Variants in MARCHF1 observed in about 807,000 individuals in gnomAD.
MARCHF1 encodes E3 ubiquitin-protein ligase MARCHF1.
In MARCHF1, 40 loss-of-function variants were observed where a neutral mutation model predicts 54.2. The observed-to-expected ratio is 0.74, with a 90% confidence interval of 0.57 to 0.96. The LOEUF (loss-of-function observed/expected upper bound fraction) is 0.96. MARCHF1 is among the 40% of genes least tolerant of loss of function. The pLI is 0.00. For missense variants in MARCHF1, 586 were observed against 656.5 expected, an observed-to-expected ratio of 0.89 and a Z score of 1.17; for synonymous variants, 236 against 236.3, an observed-to-expected ratio of 1.00 and a Z score of 0.01.
At chr4:164,239,005 A>C (rs1411388871) in intron 1 of MARCHF1, among the ~76,000 whole-genome samples, 1 of 151,956 alleles carries the variant, frequency 6.6e-6, no homozygotes, top group Non-Finnish European at 1.5e-5. Flanking sequence ...TGGGCTTTTC[A>C]TCTGTATAGT....
intron 1 of MARCHF1, among the ~76,000 whole-genome samples, chr4:164,138,413 T>G (rs1417004431): frequency 6.6e-6 from 1 of 152,144 alleles, no homozygotes; most frequent in African/African-American, 2.4e-5. Context: ...AGTGAGATCC[T>G]GTGACCAGAA....
chr4:164,044,691 C>T (rs2111028287), intron 2 of MARCHF1, among the ~76,000 whole-genome samples: 1 of 152,208 alleles, frequency 6.6e-6, no homozygotes. Flanking sequence ...TTTCTCAAGT[C>T]ATCCTATCAT....
chr4:163,699,611 A>T (rs1369463976), intron 5 of MARCHF1, among the ~76,000 whole-genome samples: 1 of 151,994 alleles, frequency 6.6e-6, no homozygotes, highest in Non-Finnish European at 1.5e-5. Flanking sequence ...TATTTTGGGG[A>T]TCCTCTTCAA....
intron 1 of MARCHF1, among the ~76,000 whole-genome samples, chr4:164,322,151 T>C (rs1035503547): frequency 1.3e-5 from 2 of 152,044 alleles, no homozygotes; most frequent in East Asian, 1.9e-4. Context: ...TGGTTATCTA[T>C]GAAAGCAATA....
At chr4:164,070,465 G>A (rs984242018) in intron 2 of MARCHF1, among the ~76,000 whole-genome samples, 3 of 152,112 alleles carry the variant, frequency 2.0e-5, no homozygotes, top group Non-Finnish European at 4.4e-5. Flanking sequence ...TTAAAAACTG[G>A]CTACTTGGGG....
chr4:163,960,319 G>A (rs1206643114), intron 3 of MARCHF1, among the ~76,000 whole-genome samples: 2 of 151,900 alleles, frequency 1.3e-5, no homozygotes, highest in Non-Finnish European at 2.9e-5. Flanking sequence ...ATAACCAGAG[G>A]AATATAAATC....
chr4:164,053,597 C>T (rs1754420464), intron 2 of MARCHF1, among the ~76,000 whole-genome samples: 1 of 152,086 alleles, frequency 6.6e-6, no homozygotes, highest in Non-Finnish European at 1.5e-5. Context: ...CTATTTCAGC[C>T]CATAAAAAAA....
At chr4:164,081,555 T>C (rs964198222) in intron 2 of MARCHF1, among the ~76,000 whole-genome samples, 8 of 152,112 alleles carry the variant, frequency 5.3e-5, no homozygotes, top group Admixed American at 4.6e-4. Context: ...GAGAGGAATC[T>C]AAGCCCTATG....
chr4:163,733,197 A>ATATATATATACACACGTG, intron 4 of MARCHF1, among the ~76,000 whole-genome samples: 1 of 32,316 alleles, frequency 3.1e-5, no homozygotes, highest in Admixed American at 4.2e-4. Context: ...ATATATATAT[A>ATATATATATACACACGTG]TATATATATA....
At chr4:163,608,922 C>T (rs1217712564) in intron 7 of MARCHF1, among the ~76,000 whole-genome samples, 2 of 151,926 alleles carry the variant, frequency 1.3e-5, no homozygotes, top group African/African-American at 4.8e-5. Context: ...TTCTAGAGAT[C>T]ATATATATCT....
intron 4 of MARCHF1, 84 bp from the exon 5 acceptor site, chr4:163,700,947 A>C: frequency 1.1e-6 from 1 of 912,342 alleles, no homozygotes; most frequent in Admixed American, 2.2e-5. Context: ...AAACCACAGC[A>C]CAAGGAAATC....
At chr4:164,048,832 G>A (rs1754294783) in intron 2 of MARCHF1, among the ~76,000 whole-genome samples, 1 of 152,006 alleles carries the variant, frequency 6.6e-6, no homozygotes, top group Non-Finnish European at 1.5e-5. Flanking sequence ...TTATCTTATA[G>A]CTGCTTTCAT....
chr4:163,798,685 A>G (rs958263431), intron 4 of MARCHF1, among the ~76,000 whole-genome samples: 1 of 152,114 alleles, frequency 6.6e-6, no homozygotes, highest in Non-Finnish European at 1.5e-5. Flanking sequence ...TTGAAAATAG[A>G]AGTAAAAGTA....
At chr4:164,192,169 A>C (rs1731141392) in intron 1 of MARCHF1, among the ~76,000 whole-genome samples, 1 of 152,210 alleles carries the variant, frequency 6.6e-6, no homozygotes, top group Non-Finnish European at 1.5e-5. Context: ...AGATTATCTT[A>C]ATTTGTAAAT....
intron 3 of MARCHF1, among the ~76,000 whole-genome samples, chr4:163,979,409 T>C (rs1752716326): frequency 6.8e-6 from 1 of 147,398 alleles, no homozygotes; most frequent in Admixed American, 6.8e-5. Flanking sequence ...ATTTTCTTAA[T>C]CCAGTCTATC....
In MARCHF1 at chr4:164,139,865, T is replaced by C. The variant is rs1192787146; in HGVS notation, c.-322-28203A>G. ...CGAACCATGTCAACCATTAGGAAAA[T>C]AGAGATATTAAACAAACAAAAATTT... On this transcript the variant is annotated intron_variant, in intron 1 of 9. Transcript: ENST00000514618. 2.6e-5 allele frequency among the ~76,000 whole-genome samples: 4 copies of C among 152,164 alleles called. No individual in the cohort carries two copies. In the East Asian group the frequency reaches 5.8e-4, roughly 22 times the overall value.
chr4:163,719,569 TG>T (rs1489541024), intron 4 of MARCHF1, among the ~76,000 whole-genome samples: 1 of 152,156 alleles, frequency 6.6e-6, no homozygotes. Context: ...CTGGGTCAAA[TG>T]GTATTTCTAC....
intron 1 of MARCHF1, among the ~76,000 whole-genome samples, chr4:164,328,951 T>C (rs1233933520): frequency 6.6e-6 from 1 of 152,232 alleles, no homozygotes; most frequent in Non-Finnish European, 1.5e-5. Flanking sequence ...GAATAAACTT[T>C]CAGTTAAGAT....
At chr4:163,683,113 T>G (rs1289843302) in intron 5 of MARCHF1, among the ~76,000 whole-genome samples, 1 of 152,126 alleles carries the variant, frequency 6.6e-6, no homozygotes, top group Admixed American at 6.5e-5. Context: ...TAGACCTCAG[T>G]TTGATATTTA....
Sources: gnomAD v4.1 joint callset for allele counts (sites outside exome capture counted in the v4.1 genomes callset) on GRCh38, gnomAD v4.1.1 for gene constraint, MANE v1.5 for transcripts, NCBI Gene and HGNC (gene_info 2026-07-23, HGNC 2026-07-21) for gene names.